Variants in ADAMTS17 observed in about 807,000 individuals in gnomAD.
ADAMTS17 encodes ADAM metallopeptidase with thrombospondin type 1 motif 17, also known as A disintegrin and metalloproteinase with thrombospondin motifs 17.
ADAMTS17 carries 113 observed loss-of-function variants against 141.5 expected under a neutral mutation model. The ratio of observed to expected loss-of-function variants is 0.80; its 90% confidence interval spans 0.69 to 0.93. The LOEUF (loss-of-function observed/expected upper bound fraction) is 0.93, where lower values mean the gene tolerates loss of function less well. Ranked by LOEUF, ADAMTS17 falls within the 40% of genes least tolerant of loss-of-function variation. The probability of loss-of-function intolerance (pLI) is 0.00; values close to 1 mark genes in which losing one functional copy is unlikely to be tolerated. For missense variants in ADAMTS17, 1,659 were observed against 1,517.9 expected (o/e 1.09, Z -1.54); for synonymous variants, 768 against 630.6 (o/e 1.22, Z -3.27).
At chr15:100,341,556 C>T (rs1362438795) in intron 1 of ADAMTS17, 147 bp from the exon 2 acceptor site, 16 of 857,024 alleles carry the variant, frequency 1.9e-5, no homozygotes, top group Admixed American at 5.6e-5. Context: ...TCCACGCTGG[C>T]CCGCGCCACC....
rs760810622 is a variant in ADAMTS17, at chr15:100,281,332, G to A, written c.686C>T (p.Thr229Ile). ...WRERRNAIRL[T>I]SEHTVETLVV... ...CAGGGTCTCCACCGTGTGCTCGCTG[G>A]TGAGCCGGATAGCGTTCCTCCGCTC... Residue 229 changes from threonine (T) to isoleucine (I), a missense_variant, in exon 4 of 22, where the codon ACC becomes ATC. By Grantham distance (89) the Thr-to-Ile change is moderately conservative. Transcript: ENST00000268070. The A allele has an allele frequency of 3.1e-6, 5 of 1,610,802 alleles. No individual in the cohort carries two copies. The highest frequency in any genetic ancestry group is 1.1e-5 in the South Asian group (1 of 91,070).
At chr15:100,134,510 G>C (rs1033000540) in intron 10 of ADAMTS17, among the ~76,000 whole-genome samples, 3 of 152,234 alleles carry the variant, frequency 2.0e-5, no homozygotes. Flanking sequence ...TTCACACTGA[G>C]CAGGATGAAG....
chr15:100,240,252 TC>T (rs2042789831), intron 7 of ADAMTS17, among the ~76,000 whole-genome samples: 1 of 152,048 alleles, frequency 6.6e-6, no homozygotes, highest in Non-Finnish European at 1.5e-5. Context: ...ACCTTTCCAA[TC>T]CCCAGGCCTA....
At chr15:100,037,958 T>G (rs2030906968) in intron 18 of ADAMTS17, among the ~76,000 whole-genome samples, 1 of 151,380 alleles carries the variant, frequency 6.6e-6, no homozygotes, top group Admixed American at 6.6e-5. Context: ...TTTTTTTTTG[T>G]AGAGAAAGGG....
chr15:100,311,829 G>GAA (rs112467336), intron 3 of ADAMTS17, among the ~76,000 whole-genome samples: 13 of 144,918 alleles, frequency 9.0e-5, no homozygotes, highest in African/African-American at 3.3e-4. Context: ...AGTGAAAAAG[G>GAA]AAAAAAAAAA....
chr15:100,073,534 C>T lies in ADAMTS17; in HGVS notation c.2138-19480G>A, dbSNP rs527333572. Among the ~76,000 whole-genome samples, 17 of 151,858 alleles carry T rather than the reference C, an allele frequency of 1.1e-4. No homozygotes were observed. The East Asian group carries it at 3.3e-3, about 29-fold the overall frequency. ...AACCCAAATGTCCAATAATGATAGA[C>T]TGGATTAAAAAAATGTGGCACATAT... On this transcript the variant is annotated intron_variant, in intron 15 of 21. Transcript: ENST00000268070.
intron 2 of ADAMTS17, among the ~76,000 whole-genome samples, chr15:100,332,644 A>G (rs1363789984): frequency 6.6e-6 from 1 of 152,290 alleles, no homozygotes; most frequent in East Asian, 1.9e-4. Context: ...AAATTTTTAA[A>G]GACAGGGAGA....
In ADAMTS17 at chr15:100,048,877, G is replaced by C; in HGVS notation, c.2571C>G (p.Asn857Lys). 6.2e-7 allele frequency: 1 copy of C among 1,614,218 alleles called. No individual in the cohort carries two copies. Residue 857 changes from asparagine (N) to lysine (K), a missense_variant, in exon 18 of 22, where the codon AAC (asparagine) becomes AAG (lysine). Coordinates refer to ENST00000268070, the MANE Select transcript of ADAMTS17 (RefSeq NM_139057.4). ...SRPEPQVRRCNLHPCQSRWVA... is the reference protein window; with the variant it reads ...SRPEPQVRRCKLHPCQSRWVA... ...CTTACCGTGACTGGCAGGGGTGCAA[G>C]TTGCACCTTCGGACCTGGGGCTCTG...
chr15:100,064,211 G>A (rs2033350801), intron 15 of ADAMTS17, among the ~76,000 whole-genome samples: 1 of 152,196 alleles, frequency 6.6e-6, no homozygotes, highest in Non-Finnish European at 1.5e-5. Flanking sequence ...AAGCAGCCAA[G>A]GAACGCCACA....
chr15:100,226,626 A>G (rs2042321933), intron 7 of ADAMTS17, among the ~76,000 whole-genome samples: 1 of 152,248 alleles, frequency 6.6e-6, no homozygotes, highest in Non-Finnish European at 1.5e-5. Context: ...TGGGCTTGAT[A>G]TGCCTGGAAA....
Position 100,187,209 on chromosome 15 carries a change from G to A in ADAMTS17, c.1181+12109C>T, listed in dbSNP as rs996293322. On this transcript the variant is annotated intron_variant, in intron 8 of 21. Coordinates refer to ENST00000268070, the MANE Select transcript of ADAMTS17 (RefSeq NM_139057.4). ...GGAGATAAGCATGCCCAGTGATAAC[G>A]TTAGAGCAGGCAGTATCTGTCAGCG... is the stretch of plus-strand genomic sequence containing the variant. 5.3e-5 allele frequency among the ~76,000 whole-genome samples: 8 copies of A among 152,068 alleles called. 1 individual carries two copies. In the South Asian group the frequency reaches 6.2e-4, roughly 12 times the overall value.
rs181181579 is a variant in ADAMTS17, at chr15:100,066,809, G to A, written c.2138-12755C>T. Among the ~76,000 whole-genome samples, 217 of 132,140 alleles carry A rather than the reference G, an allele frequency of 1.6e-3. 4 individuals carry two copies. The highest frequency in any genetic ancestry group is 5.6e-3 in the African/African-American group (204 of 36,656). 86.7% of individuals were successfully genotyped at this position (132,140 alleles called of 152,430 possible). A position where few individuals can be genotyped will look rare whatever the true frequency, so the allele number is the denominator to read the frequency against. On this transcript the variant is annotated intron_variant, in intron 15 of 21. Transcript: ENST00000268070. ...TTCCGCTGTCTTCCCTTATGATATT[G>A]AGAGGGCAGCCATCATTCTAAGTGT...
intron 14 of ADAMTS17, among the ~76,000 whole-genome samples, chr15:100,103,174 G>GA (rs1392405250): frequency 2.6e-5 from 4 of 152,086 alleles, no homozygotes; most frequent in African/African-American, 9.7e-5. Context: ...AGGTTAATCA[G>GA]AAAAAAGGGG....
At chr15:100,134,994 T>G (rs2038251078) in intron 10 of ADAMTS17, among the ~76,000 whole-genome samples, 1 of 152,172 alleles carries the variant, frequency 6.6e-6, no homozygotes, top group Non-Finnish European at 1.5e-5. Context: ...TCTTTGAGAC[T>G]GTGGTGTCTG....
intron 7 of ADAMTS17, among the ~76,000 whole-genome samples, chr15:100,224,439 A>G (rs2042236243): frequency 6.6e-6 from 1 of 152,174 alleles, no homozygotes; most frequent in Admixed American, 6.5e-5. Context: ...TTACAAGGGT[A>G]AAAGAATTGA....
At chr15:100,074,730 TTTAA>T (rs2034245480) in intron 15 of ADAMTS17, among the ~76,000 whole-genome samples, 1 of 152,202 alleles carries the variant, frequency 6.6e-6, no homozygotes, top group Admixed American at 6.5e-5. Flanking sequence ...TTATTCTTGC[TTTAA>T]TTAGGAGTAT....
At chr15:99,998,159 C>G (rs1013737377) in intron 18 of ADAMTS17, among the ~76,000 whole-genome samples, 4 of 152,200 alleles carry the variant, frequency 2.6e-5, no homozygotes, top group African/African-American at 9.7e-5. Flanking sequence ...CCCCAGCCCA[C>G]ACCGGTCCCA....
At chr15:100,107,818 G>T (rs763668295) in intron 14 of ADAMTS17, among the ~76,000 whole-genome samples, 13 of 152,114 alleles carry the variant, frequency 8.5e-5, no homozygotes, top group Non-Finnish European at 1.8e-4. Context: ...GAGTAATAAA[G>T]GTCAGTTGTT....
At chr15:100,000,212 A>C (rs979314647) in intron 18 of ADAMTS17, among the ~76,000 whole-genome samples, 2 of 152,226 alleles carry the variant, frequency 1.3e-5, no homozygotes, top group Non-Finnish European at 2.9e-5. Flanking sequence ...GGCCACACTC[A>C]GCACGAAGAG....
Sources: allele counts gnomAD v4.1 joint callset (sites outside exome capture counted in the v4.1 genomes callset), GRCh38; gene constraint gnomAD v4.1.1; transcripts MANE v1.5; gene names NCBI Gene and HGNC (gene_info 2026-07-23, HGNC 2026-07-21).